The following LY96 variants were observed in gnomAD, a reference collection of about 807,000 sequenced individuals.
The protein encoded by LY96 is myeloid differentiation protein-2.
A neutral mutation model predicts 18.9 loss-of-function variants in LY96; 18 were observed. The observed-to-expected ratio is 0.95, with a 90% confidence interval of 0.66 to 1.41. The LOEUF (loss-of-function observed/expected upper bound fraction) is 1.41. LY96 is among the 40% of genes most tolerant of loss of function. The pLI, the probability that LY96 is intolerant of heterozygous loss-of-function variation, is 0.00. For missense variants in LY96, 175 were observed against 182.4 expected (o/e 0.96, Z 0.23); for synonymous variants, 66 against 62.6 (o/e 1.06, Z -0.26).
chr8:74,040,734 A>C, the LY96 span, among the ~76,000 whole-genome samples: 3 of 119,814 alleles, frequency 2.5e-5, no homozygotes, highest in African/African-American at 1.0e-4. Flanking sequence ...ATGCAATCTC[A>C]CTCTGTCGCC....
the LY96 span, among the ~76,000 whole-genome samples, chr8:74,038,642 T>G: frequency 6.6e-6 from 1 of 152,220 alleles, no homozygotes; most frequent in Non-Finnish European, 1.5e-5. Flanking sequence ...GCCTACCGTC[T>G]CGGCTTCCCA....
At chr8:74,095,037 T>C in the LY96 span, among the ~76,000 whole-genome samples, 3 of 152,292 alleles carry the variant, frequency 2.0e-5, no homozygotes, top group South Asian at 6.2e-4. Context: ...GAAAGGACAG[T>C]GAATTTCCCA....
At chr8:74,090,292 C>T in the LY96 span, among the ~76,000 whole-genome samples, 1 of 152,112 alleles carries the variant, frequency 6.6e-6, no homozygotes, top group Non-Finnish European at 1.5e-5. Flanking sequence ...GTCTTGTTTA[C>T]CACTGTGATT....
At chr8:74,039,436 T>C in the LY96 span, among the ~76,000 whole-genome samples, 2 of 152,024 alleles carry the variant, frequency 1.3e-5, no homozygotes, top group African/African-American at 2.4e-5. Flanking sequence ...ACATGAGAGA[T>C]TGTAATAAAT....
At chr8:74,066,488 C>T in the LY96 span, among the ~76,000 whole-genome samples, 10 of 151,808 alleles carry the variant, frequency 6.6e-5, no homozygotes, top group African/African-American at 1.2e-4. Context: ...GAATTCAGTA[C>T]GGTGGTAGGA....
intron 3 of LY96, among the ~76,000 whole-genome samples, chr8:74,021,261 G>A (rs560231068): frequency 1.4e-3 from 207 of 152,264 alleles, no homozygotes; most frequent in South Asian, 6.2e-3. Flanking sequence ...GTGGGCAAAG[G>A]ATATGAACAG....
chr8:74,052,495 A>C, the LY96 span: 1 of 152,262 alleles, frequency 6.6e-6, no homozygotes, highest in African/African-American at 2.4e-5. Context: ...AAGGAAGAGA[A>C]AAATACTAGA....
downstream of LY96, among the ~76,000 whole-genome samples, chr8:74,033,176 G>A (rs929870389): frequency 6.6e-6 from 1 of 151,122 alleles, no homozygotes; most frequent in African/African-American, 2.5e-5. Flanking sequence ...AAAATATCAG[G>A]CATAATTAAC....
intron 2 of LY96, 39 bp downstream of exon 2, chr8:74,004,924 A>G: frequency 1.3e-6 from 2 of 1,557,212 alleles, no homozygotes; most frequent in Non-Finnish European, 1.8e-6. Flanking sequence ...CAATCAAAGG[A>G]GTTAAGAAAT....
chr8:73,996,809 A>G (rs1816157932), intron 1 of LY96, among the ~76,000 whole-genome samples: 1 of 151,958 alleles, frequency 6.6e-6, no homozygotes, highest in Non-Finnish European at 1.5e-5. Context: ...CAGTGGTGCA[A>G]TCTTGGCTCA....
chr8:74,024,367 G>A (rs928992720), intron 3 of LY96, among the ~76,000 whole-genome samples: 1 of 150,246 alleles, frequency 6.7e-6, no homozygotes, highest in Non-Finnish European at 1.5e-5. Flanking sequence ...ATACATATAT[G>A]ACTAATATAT....
chr8:74,086,522 T>C, the LY96 span, among the ~76,000 whole-genome samples: 1 of 152,204 alleles, frequency 6.6e-6, no homozygotes, highest in Non-Finnish European at 1.5e-5. Context: ...TCTGTAAAAG[T>C]CAGGGGTTCC....
the LY96 span, among the ~76,000 whole-genome samples, chr8:74,084,203 C>T: frequency 8.9e-4 from 136 of 152,236 alleles, no homozygotes; most frequent in African/African-American, 2.9e-3. Context: ...GAGTTTAGGG[C>T]AGAAATATCT....
At chr8:74,089,083 G>A in the LY96 span, among the ~76,000 whole-genome samples, 6 of 152,182 alleles carry the variant, frequency 3.9e-5, no homozygotes, top group African/African-American at 7.2e-5. Flanking sequence ...TTCCTAGCAG[G>A]ATAGGGTTAG....
chr8:74,069,581 T>C, the LY96 span, among the ~76,000 whole-genome samples: 10 of 151,934 alleles, frequency 6.6e-5, no homozygotes, highest in East Asian at 1.9e-3. Flanking sequence ...AATCAATTTA[T>C]TTATTTATTT....
downstream of LY96, among the ~76,000 whole-genome samples, chr8:74,033,819 G>A (rs1303489104): frequency 1.3e-5 from 2 of 152,074 alleles, no homozygotes; most frequent in South Asian, 2.1e-4. Flanking sequence ...AACTGTTCAT[G>A]GGTATTCTGA....
At chr8:74,087,904 G>A in the LY96 span, among the ~76,000 whole-genome samples, 1 of 152,046 alleles carries the variant, frequency 6.6e-6, no homozygotes. Flanking sequence ...TCCTCTGAAA[G>A]CTTTTCCTTT....
the LY96 span, among the ~76,000 whole-genome samples, chr8:74,043,497 T>G: frequency 2.6e-5 from 4 of 152,208 alleles, no homozygotes; most frequent in African/African-American, 9.6e-5. Context: ...GTGGGGGCAC[T>G]GCCATTGCCA....
intron 2 of LY96, among the ~76,000 whole-genome samples, chr8:74,009,728 A>C (rs1816490656): frequency 6.6e-6 from 1 of 152,148 alleles, no homozygotes; most frequent in African/African-American, 2.4e-5. Flanking sequence ...TTCTCAATGA[A>C]GTTATGAAGG....
Sources: gnomAD v4.1 joint callset for allele counts (sites outside exome capture counted in the v4.1 genomes callset) on GRCh38, gnomAD v4.1.1 for gene constraint, MANE v1.5 for transcripts, NCBI Gene and HGNC (gene_info 2026-07-23, HGNC 2026-07-21) for gene names.